Variants in ASXL3 observed in about 807,000 individuals in gnomAD.
ASXL3 encodes putative Polycomb group protein ASXL3.
Under a neutral mutation model 170.6 loss-of-function variants are expected in ASXL3, and 34 were observed. The ratio of observed to expected loss-of-function variants is 0.20; its 90% confidence interval spans 0.15 to 0.27. The LOEUF (loss-of-function observed/expected upper bound fraction) is 0.27. ASXL3 is among the 10% of genes least tolerant of loss of function. ASXL3 has a pLI of 1.00. For synonymous variants in ASXL3, 1,002 were observed against 989.1 expected (o/e 1.01, Z -0.24); for missense variants, 2,592 against 2,695.3 (o/e 0.96, Z 0.85).
chr18:33,703,274 T>C (rs776335545), intron 8 of ASXL3, among the ~76,000 whole-genome samples: 17 of 152,170 alleles, frequency 1.1e-4, no homozygotes, highest in Admixed American at 4.6e-4. Flanking sequence ...TAGAAATCTG[T>C]TCTTATGGTC....
chr18:33,652,603 C>CAAAA (rs554834298), intron 4 of ASXL3, among the ~76,000 whole-genome samples: 4 of 112,326 alleles, frequency 3.6e-5, no homozygotes, highest in Non-Finnish European at 3.5e-5. Context: ...TCTGTTGGGG[C>CAAAA]AAAAAAAAAA....
At chr18:33,643,797 A>G (rs1046284975) in intron 2 of ASXL3, among the ~76,000 whole-genome samples, 1 of 151,884 alleles carries the variant, frequency 6.6e-6, no homozygotes, top group Non-Finnish European at 1.5e-5. Context: ...TACGAATTCA[A>G]AGTTTGAAAG....
At chr18:33,585,855 T>A (rs986187510) in intron 1 of ASXL3, among the ~76,000 whole-genome samples, 3 of 152,208 alleles carry the variant, frequency 2.0e-5, no homozygotes, top group Non-Finnish European at 4.4e-5. Flanking sequence ...TATTATTGCT[T>A]TATTTTGCAT....
At chr18:33,643,225 T>C (rs963478462) in intron 2 of ASXL3, among the ~76,000 whole-genome samples, 5 of 151,916 alleles carry the variant, frequency 3.3e-5, no homozygotes, top group Non-Finnish European at 7.4e-5. Flanking sequence ...GTATTTGCAA[T>C]GTTCAGTATA....
chr18:33,655,224 A>G (rs571643997), intron 4 of ASXL3, among the ~76,000 whole-genome samples: 1 of 152,180 alleles, frequency 6.6e-6, no homozygotes, highest in South Asian at 2.1e-4. Context: ...ATCTGATTCA[A>G]CATTCCTCTT....
chr18:33,608,247 A>G (rs1009491273), intron 2 of ASXL3, among the ~76,000 whole-genome samples: 10 of 151,968 alleles, frequency 6.6e-5, no homozygotes, highest in African/African-American at 2.4e-4. Flanking sequence ...TCATCACCCT[A>G]AAATGAAACC....
intron 2 of ASXL3, among the ~76,000 whole-genome samples, chr18:33,631,076 A>C (rs2065669930): frequency 6.6e-6 from 1 of 152,076 alleles, no homozygotes; most frequent in South Asian, 2.1e-4. Context: ...AAAGATGGAG[A>C]TAATTGGCTA....
intron 10 of ASXL3, among the ~76,000 whole-genome samples, chr18:33,737,886 GA>G (rs2067574808): frequency 6.6e-6 from 1 of 151,976 alleles, no homozygotes; most frequent in Non-Finnish European, 1.5e-5. Context: ...TACATCCTCT[GA>G]AAACTATATA....
intron 2 of ASXL3, among the ~76,000 whole-genome samples, chr18:33,625,472 C>A (rs1194606263): frequency 6.6e-6 from 1 of 152,122 alleles, no homozygotes; most frequent in African/African-American, 2.4e-5. Context: ...ACCAAGTGAA[C>A]TCTCTCTTTC....
intron 8 of ASXL3, among the ~76,000 whole-genome samples, chr18:33,689,874 AG>A (rs2066659705): frequency 6.6e-6 from 1 of 152,202 alleles, no homozygotes. Flanking sequence ...AAACACACAC[AG>A]ACACACGTGT....
intron 11 of ASXL3, among the ~76,000 whole-genome samples, chr18:33,741,875 A>G (rs1200543102): frequency 6.6e-6 from 1 of 152,218 alleles, no homozygotes; most frequent in Non-Finnish European, 1.5e-5. Context: ...GAGTCTTTCC[A>G]GCTCTACACA....
chr18:33,627,922 A>G (rs576687217), intron 2 of ASXL3, among the ~76,000 whole-genome samples: 8 of 152,310 alleles, frequency 5.3e-5, no homozygotes, highest in South Asian at 2.1e-4. Context: ...TGAGTGTTGA[A>G]CATGAAAGAA....
intron 5 of ASXL3, among the ~76,000 whole-genome samples, chr18:33,663,069 C>A (rs1187679896): frequency 2.6e-5 from 4 of 152,150 alleles, no homozygotes; most frequent in African/African-American, 9.7e-5. Context: ...GGAAAGCTTG[C>A]CACTTACTGC....
intron 3 of ASXL3, among the ~76,000 whole-genome samples, chr18:33,645,790 G>A (rs887494884): frequency 6.6e-6 from 1 of 151,718 alleles, no homozygotes; most frequent in African/African-American, 2.4e-5. Flanking sequence ...CAACAAAGCA[G>A]GGATTCTTCT....
At chr18:33,683,174 A>T (rs2066540756) in intron 7 of ASXL3, among the ~76,000 whole-genome samples, 1 of 152,196 alleles carries the variant, frequency 6.6e-6, no homozygotes, top group Admixed American at 6.5e-5. Flanking sequence ...TAGAGAAGAT[A>T]TTGAGTGAAG....
chr18:33,678,686 G>A (rs1184075811), intron 7 of ASXL3, among the ~76,000 whole-genome samples: 2 of 152,120 alleles, frequency 1.3e-5, no homozygotes, highest in Admixed American at 6.5e-5. Context: ...GGAATTAAAC[G>A]CTAAAATGAC....
At chr18:33,592,576 T>G (rs2065086816) in intron 1 of ASXL3, among the ~76,000 whole-genome samples, 2 of 152,226 alleles carry the variant, frequency 1.3e-5, no homozygotes, top group Non-Finnish European at 2.9e-5. Flanking sequence ...AGTTGGTTCT[T>G]GTCTGGAAAT....
At chr18:33,602,155 C>A (rs1341179990) in intron 1 of ASXL3, among the ~76,000 whole-genome samples, 1 of 151,644 alleles carries the variant, frequency 6.6e-6, no homozygotes, top group African/African-American at 2.4e-5. Context: ...AGCGATGATA[C>A]CTTGACTTAT....
At chr18:33,724,560 A>G (rs189026920) in intron 8 of ASXL3, among the ~76,000 whole-genome samples, 314 of 152,230 alleles carry the variant, frequency 2.1e-3, no homozygotes, top group Middle Eastern at 0.01. Flanking sequence ...TATTCTGGGG[A>G]ATAGTTGTTC....
Sources: gnomAD v4.1 joint callset for allele counts (sites outside exome capture counted in the v4.1 genomes callset) on GRCh38, gnomAD v4.1.1 for gene constraint, MANE v1.5 for transcripts, NCBI Gene and HGNC (gene_info 2026-07-23, HGNC 2026-07-21) for gene names.